TATDN1: variants seen among roughly 807,000 people sequenced by gnomAD.
TATDN1 encodes the protein deoxyribonuclease TATDN1.
TATDN1 carries 40 observed loss-of-function variants against 46.4 expected under a neutral mutation model. That is an observed-to-expected ratio of 0.86 (90% confidence interval 0.67 to 1.12). TATDN1 has a LOEUF of 1.12. Ranked by LOEUF, TATDN1 falls within the 50% of genes most tolerant of loss-of-function variation. The pLI is 0.00. For missense variants in TATDN1, 326 were observed against 348.4 expected, an observed-to-expected ratio of 0.94 and a Z score of 0.51; for synonymous variants, 95 against 105.6, an observed-to-expected ratio of 0.90 and a Z score of 0.62.
intron 9 of TATDN1, chr8:124,503,763 G>C (rs1818173189): frequency 2.0e-6 from 1 of 495,924 alleles, no homozygotes; most frequent in Non-Finnish European, 3.7e-6. Context: ...GTGAAGTTTA[G>C]TGTGGTACAA....
rs550974900 is a variant in TATDN1 at position 124,524,547 on chromosome 8, C to T, written c.23-1545G>A. ...AGAGGTTTAGTCTAGGGTCACCGATCATCACTGATCATTAGGAAAACAGAA... is the reference window on the plus strand; with the variant it reads ...AGAGGTTTAGTCTAGGGTCACCGATTATCACTGATCATTAGGAAAACAGAA... On this transcript the variant is annotated intron_variant, in intron 1 of 11. Transcript: ENST00000276692. 2.6e-5 allele frequency among the ~76,000 whole-genome samples: 4 copies of T among 152,296 alleles called. No individual in the cohort carries two copies. In the South Asian group the frequency reaches 8.3e-4, roughly 32 times the overall value.
intron 1 of TATDN1, among the ~76,000 whole-genome samples, chr8:124,536,198 A>C (rs1170023506): frequency 6.6e-6 from 1 of 152,188 alleles, no homozygotes; most frequent in African/African-American, 2.4e-5. Context: ...AGAGTTTGTA[A>C]ATAACACCCA....
rs368326590 is a variant in TATDN1 at position 124,522,169 on chromosome 8, G to A, written c.120C>T (p.Val40=). The change falls in exon 3 of 12, where the codon GTC becomes GTT. Residue 40 remains valine, a synonymous_variant. Transcript: ENST00000276692. ...DDLQDVIGRA[V]EIGVKKFMIT... Reference sequence around the variant, plus strand: ...ATGTTACCTTTTTAACACCAATCTCGACAGCTCTCCCTATTACATCCTGTA... The same window carrying A: ...ATGTTACCTTTTTAACACCAATCTCAACAGCTCTCCCTATTACATCCTGTA... 12 of 1,594,864 alleles carry A rather than the reference G, an allele frequency of 7.5e-6. No individual in the cohort carries two copies. The highest frequency in any genetic ancestry group is 4.5e-5 in the East Asian group (2 of 44,084).
chr8:124,524,920 T>C (rs1412583648), intron 1 of TATDN1, among the ~76,000 whole-genome samples: 1 of 151,864 alleles, frequency 6.6e-6, no homozygotes, highest in Non-Finnish European at 1.5e-5. Context: ...ATGGGGGAAA[T>C]GAGGGATGAG....
intron 11 of TATDN1, chr8:124,490,219 A>ATAT (rs1816847934): frequency 6.6e-6 from 1 of 152,328 alleles, no homozygotes; most frequent in East Asian, 1.9e-4. Context: ...AATCGCTTAT[A>ATAT]AGAAATCTAT....
At chr8:124,514,140 A>T (rs771792869) in intron 6 of TATDN1, among the ~76,000 whole-genome samples, 1 of 152,200 alleles carries the variant, frequency 6.6e-6, no homozygotes, top group Non-Finnish European at 1.5e-5. Flanking sequence ...ACTTGGTTAT[A>T]GATCTTCACA....
intron 6 of TATDN1, 27 bp downstream of exon 6, chr8:124,515,719 A>C (rs1271999151): frequency 6.2e-7 from 1 of 1,602,874 alleles, no homozygotes; most frequent in East Asian, 2.2e-5. Flanking sequence ...TTTTACAATA[A>C]TTTGTAAAGC....
In TATDN1 at chr8:124,522,980, G is replaced by A. The variant is rs1481879150; in HGVS notation, c.45C>T (p.Asp15=). ...KFIDIGINLT[D]PMFRGIYRGV... ...CCCTATAAATTCCTCTGAACATAGG[G>A]TCAGTCAAGTTGATACCAATATCTG... Residue 15 remains aspartate (D), a synonymous_variant, in exon 2 of 12, where the codon GAC becomes GAT. Transcript: ENST00000276692. 12 of 1,613,152 alleles carry A rather than the reference G, an allele frequency of 7.4e-6. No individual in the cohort carries two copies. Among genetic ancestry groups the A allele is most frequent in the Non-Finnish European group, 9.3e-6 (11 of 1,179,588 alleles).
intron 2 of TATDN1, 51 bp from the exon 3 acceptor site, chr8:124,522,251 C>CTTT: frequency 9.4e-7 from 1 of 1,058,704 alleles, no homozygotes; most frequent in South Asian, 1.6e-5. Flanking sequence ...AAAAATTTGA[C>CTTT]TTTTTTTTTT....
chr8:124,520,982 T>A (rs527802367), intron 3 of TATDN1, among the ~76,000 whole-genome samples: 1 of 150,430 alleles, frequency 6.6e-6, no homozygotes, highest in Admixed American at 6.6e-5. Context: ...ATGATGATGA[T>A]CTCATGGTGG....
At chr8:124,503,650 T>C (rs1402181229) in intron 9 of TATDN1, among the ~76,000 whole-genome samples, 1 of 152,188 alleles carries the variant, frequency 6.6e-6, no homozygotes, top group East Asian at 1.9e-4. Context: ...ACTGATTTAA[T>C]AGGCTACACT....
intron 2 of TATDN1, 82 bp downstream of exon 2, chr8:124,522,855 T>A: frequency 8.3e-7 from 1 of 1,212,064 alleles, no homozygotes; most frequent in Non-Finnish European, 1.2e-6. Context: ...AGACTCAGCT[T>A]GAATTATGCT....
At chr8:124,516,938 A>G (rs1053446920) in intron 4 of TATDN1, among the ~76,000 whole-genome samples, 10 of 152,192 alleles carry the variant, frequency 6.6e-5, no homozygotes, top group Admixed American at 2.0e-4. Flanking sequence ...GCTCTCATGT[A>G]GATGTTTAGA....
chr8:124,514,205 T>A (rs1490034409), intron 6 of TATDN1, among the ~76,000 whole-genome samples: 1 of 152,164 alleles, frequency 6.6e-6, no homozygotes, highest in Non-Finnish European at 1.5e-5. Flanking sequence ...CTAGCAGATC[T>A]GCTCCTCCCC....
intron 1 of TATDN1, among the ~76,000 whole-genome samples, chr8:124,530,425 T>C (rs948851007): frequency 2.0e-5 from 3 of 152,202 alleles, no homozygotes; most frequent in African/African-American, 7.2e-5. Context: ...TATCATGCCA[T>C]TCTCTGCATT....
intron 6 of TATDN1, among the ~76,000 whole-genome samples, chr8:124,510,068 A>T (rs1439180007): frequency 6.6e-5 from 10 of 152,036 alleles, no homozygotes; most frequent in Non-Finnish European, 1.2e-4. Flanking sequence ...AAAAAATAGA[A>T]ATAGTCTTCC....
chr8:124,512,393 C>T (rs558323675), intron 6 of TATDN1, among the ~76,000 whole-genome samples: 38 of 152,228 alleles, frequency 2.5e-4, no homozygotes, highest in African/African-American at 7.9e-4. Flanking sequence ...CCACTGCACT[C>T]CAGCCTGGGG....
chr8:124,507,643 CCA>C (rs1176704570), intron 8 of TATDN1, among the ~76,000 whole-genome samples: 2 of 151,788 alleles, frequency 1.3e-5, no homozygotes, highest in Non-Finnish European at 2.9e-5. Context: ...AATTAGCTGG[CCA>C]TGGTGGCACA....
At chr8:124,491,047 A>G (rs1816949161) in intron 11 of TATDN1, 1 of 152,224 alleles carries the variant, frequency 6.6e-6, no homozygotes, top group Non-Finnish European at 1.5e-5. Context: ...GCCTCCCAAA[A>G]TGGTAGGATT....
Sources: allele counts gnomAD v4.1 joint callset (sites outside exome capture counted in the v4.1 genomes callset), GRCh38; gene constraint gnomAD v4.1.1; transcripts MANE v1.5; gene names NCBI Gene and HGNC (gene_info 2026-07-23, HGNC 2026-07-21).